TRIO: variants seen among roughly 807,000 people sequenced by gnomAD.
TRIO encodes trio Rho guanine nucleotide exchange factor, also known as triple functional domain protein.
TRIO carries 58 observed loss-of-function variants against 351.9 expected under a neutral mutation model. The ratio of observed to expected loss-of-function variants is 0.16; its 90% confidence interval spans 0.13 to 0.21. The LOEUF is 0.21. Ranked by LOEUF, TRIO falls within the 10% of genes least tolerant of loss-of-function variation. The probability of loss-of-function intolerance (pLI) is 1.00; values close to 1 mark genes in which losing one functional copy is unlikely to be tolerated. For missense variants in TRIO, 3,201 were observed against 4,027.8 expected (o/e 0.79, Z 5.56); for synonymous variants, 1,758 against 1,595.7 (o/e 1.10, Z -2.42).
intron 18 of TRIO, among the ~76,000 whole-genome samples, chr5:14,370,123 C>CTT (rs56791314): frequency 0.027 from 3,843 of 144,458 alleles, 199 homozygotes; most frequent in African/African-American, 0.092. Context: ...TTCTTTCTTT[C>CTT]TTTTTTTTTT....
In TRIO at chr5:14,487,519, CGGCAGCGGG is replaced by C. The variant is rs1268277431; in HGVS notation, c.6900_6908del (p.Ser2302_Gly2304del). On this transcript the variant is annotated inframe_deletion, in exon 48 of 57. Transcript: ENST00000344204. ...ACCACAGCGGGGGCGGCGGCGGCGG[CGGCAGCGGG>C]GGCAGCGGCGGGGGTGGGGGCAGCG... 6 of 919,316 alleles carry C rather than the reference CGGCAGCGGG, an allele frequency of 6.5e-6. No individual in the cohort carries two copies. In the African/African-American group the frequency reaches 9.0e-5, roughly 14 times the overall value. 56.9% of individuals were successfully genotyped at this position (919,316 alleles called of 1,614,324 possible). A position where few individuals can be genotyped will look rare whatever the true frequency, so the allele number is the denominator to read the frequency against.
In TRIO at chr5:14,207,321, CACACA is replaced by C. The variant is rs1321068311; in HGVS notation, c.157+63440_157+63444del. Among the ~76,000 whole-genome samples the C allele has an allele frequency of 1.9e-3, 14 of 7,282 alleles. 2 individuals are homozygous for C. The highest frequency in any genetic ancestry group is 5.3e-3 in the Non-Finnish European group (14 of 2,660). 4.8% of individuals were successfully genotyped at this position (7,282 alleles called of 152,430 possible). ...GGTAGCATAGCAAGACTGTCTCTCA[CACACA>C]CACACACACACACACACACACACAC... On this transcript the variant is annotated intron_variant, in intron 1 of 56. Coordinates refer to ENST00000344204, the MANE Select transcript of TRIO (RefSeq NM_007118.4).
intron 21 of TRIO, among the ~76,000 whole-genome samples, chr5:14,385,422 T>C (rs893868665): frequency 2.0e-5 from 3 of 152,220 alleles, no homozygotes; most frequent in Non-Finnish European, 4.4e-5. Flanking sequence ...TACCCAGCTC[T>C]ACCTAAACAC....
chr5:14,397,105 C>T lies in TRIO; in HGVS notation c.4374C>T (p.Leu1458=), dbSNP rs778556630. The change falls in exon 29 of 57, where the codon CTC becomes CTT. Residue 1458 remains leucine, a synonymous_variant. Transcript: ENST00000344204. ...TTAAAGATGGCCTGGAGGTGATGCT[C>T]AGCGTGCCGAAGCGAGCCAATGATG... The part of the protein sequence containing the change: ...GEIKDGLEVM[L]SVPKRANDAM... 4 of 1,609,890 alleles carry T rather than the reference C, an allele frequency of 2.5e-6. No individual in the cohort carries two copies. Among genetic ancestry groups the T allele is most frequent in the East Asian group, 2.2e-5 (1 of 44,820 alleles).
chr5:14,356,900 T>C (rs922137915), intron 11 of TRIO, among the ~76,000 whole-genome samples: 3 of 152,046 alleles, frequency 2.0e-5, no homozygotes, highest in African/African-American at 7.3e-5. Flanking sequence ...CCATTCCAGT[T>C]CTAGAAATTA....
At chr5:14,281,184 A>G (rs1735958674) in intron 3 of TRIO, among the ~76,000 whole-genome samples, 1 of 152,200 alleles carries the variant, frequency 6.6e-6, no homozygotes, top group Non-Finnish European at 1.5e-5. Flanking sequence ...CTATTAAGAA[A>G]CGTTTGGGAC....
intron 40 of TRIO, among the ~76,000 whole-genome samples, chr5:14,475,659 C>G (rs1469189269): frequency 6.6e-6 from 1 of 152,232 alleles, no homozygotes; most frequent in Non-Finnish European, 1.5e-5. Context: ...TAGCTCTGTG[C>G]TGTAGACTTA....
chr5:14,166,488 T>A (rs1788768593), intron 1 of TRIO, among the ~76,000 whole-genome samples: 1 of 152,228 alleles, frequency 6.6e-6, no homozygotes, highest in South Asian at 2.1e-4. Flanking sequence ...GGTATATTAT[T>A]CCTTAAAAAT....
At chr5:14,465,450 C>A (rs2126521964) in intron 36 of TRIO, 95 bp from the exon 37 acceptor site, 1 of 1,217,254 alleles carries the variant, frequency 8.2e-7, no homozygotes, top group Non-Finnish European at 1.2e-6. Flanking sequence ...GAATTACTTT[C>A]ACAAGAGATG....
At chr5:14,220,413 T>G (rs72744206) in intron 1 of TRIO, among the ~76,000 whole-genome samples, 4,503 of 152,286 alleles carry the variant, frequency 0.03, 92 homozygotes, top group South Asian at 0.045. Flanking sequence ...GGCCAGTTAA[T>G]AAATCCAACT....
chr5:14,210,743 A>G (rs566784814), intron 1 of TRIO, among the ~76,000 whole-genome samples: 1 of 152,332 alleles, frequency 6.6e-6, no homozygotes, highest in South Asian at 2.1e-4. Flanking sequence ...GTATGTTTTT[A>G]AAGTGCAGCT....
chr5:14,147,574 G>A (rs771930784), intron 1 of TRIO, among the ~76,000 whole-genome samples: 3 of 152,290 alleles, frequency 2.0e-5, no homozygotes, highest in Admixed American at 6.5e-5. Flanking sequence ...GAAGCATCAC[G>A]TCCTGTCGTG....
rs542963114 is a variant in TRIO, at chr5:14,478,213, G to A, written c.6154-1048G>A. ...ATCTTGTCACAAGAATGTTAAAAAC[G>A]TGTATACTCCCTGGTTGAGTTTTAA... is the stretch of plus-strand genomic sequence containing the variant. On this transcript the variant is annotated intron_variant, in intron 41 of 56. Coordinates refer to ENST00000344204, the MANE Select transcript of TRIO (RefSeq NM_007118.4). Among the ~76,000 whole-genome samples the A allele has an allele frequency of 6.6e-5, 10 of 152,262 alleles. No homozygotes were observed. The South Asian group carries it at 8.3e-4, about 13-fold the overall frequency.
intron 54 of TRIO, among the ~76,000 whole-genome samples, chr5:14,503,179 G>T (rs1194820461): frequency 6.6e-6 from 1 of 152,178 alleles, no homozygotes; most frequent in Non-Finnish European, 1.5e-5. Flanking sequence ...CTGCCTCCAG[G>T]GCCACACAGC....
chr5:14,508,247 C>T lies in TRIO; in HGVS notation c.9119C>T (p.Ser3040Leu), dbSNP rs763039654. ...LLQEDPAKRP[S>L]AALALQEQWL... is the part of the protein sequence containing the mutation. The stretch of plus-strand genomic sequence containing the variant: ...CAGGAGGACCCCGCCAAGCGTCCCT[C>T]GGCTGCGCTGGCCCTCCAGGAGCAG... The change falls in exon 57 of 57, where the codon TCG becomes TTG. Residue 3040 changes from serine (S) to leucine (L), a missense_variant. This residue lies in a region of TRIO where 233 missense variants were observed against 292.6 expected (regional missense o/e 0.80). Coordinates refer to ENST00000344204, the MANE Select transcript of TRIO (RefSeq NM_007118.4). 13 of 1,613,946 alleles carry T rather than the reference C, an allele frequency of 8.1e-6. 1 individual carries two copies. Among genetic ancestry groups the T allele is most frequent in the South Asian group, 4.4e-5 (4 of 91,092 alleles).
At chr5:14,445,574 A>G (rs1752378179) in intron 34 of TRIO, among the ~76,000 whole-genome samples, 1 of 152,202 alleles carries the variant, frequency 6.6e-6, no homozygotes, top group African/African-American at 2.4e-5. Context: ...AAACCTTGCT[A>G]TTGCTACTTC....
In TRIO at chr5:14,374,758, A is replaced by G. The variant is rs540257405; in HGVS notation, c.3331+415A>G. On this transcript the variant is annotated intron_variant, in intron 19 of 56. Transcript: ENST00000344204. ...CACTATAAAGTATTATTAATTTTGT[A>G]TACCTAAGGCATAGTTAATAAAAAC... Among the ~76,000 whole-genome samples, 5 of 152,324 alleles carry G rather than the reference A, an allele frequency of 3.3e-5. No individual in the cohort carries two copies. The South Asian group carries it at 8.3e-4, about 25-fold the overall frequency.
intron 1 of TRIO, among the ~76,000 whole-genome samples, chr5:14,246,346 G>C (rs1185553409): frequency 6.6e-6 from 1 of 152,210 alleles, no homozygotes; most frequent in Admixed American, 6.5e-5. Flanking sequence ...ACATGTGTTT[G>C]TGGAACTTCG....
chr5:14,489,055 T>C (rs769055003), intron 48 of TRIO: 4 of 765,194 alleles, frequency 5.2e-6, no homozygotes, highest in South Asian at 1.3e-5. Context: ...CCGTAACACT[T>C]TCCTGAAGGC....
Sources: gnomAD v4.1 joint callset for allele counts (sites outside exome capture counted in the v4.1 genomes callset) on GRCh38, gnomAD v4.1.1 for gene constraint, gnomAD v4.1.1 regional missense constraint, MANE v1.5 for transcripts, NCBI Gene and HGNC (gene_info 2026-07-23, HGNC 2026-07-21) for gene names.